The following RNF217 variants were observed in gnomAD, a reference collection of about 807,000 sequenced individuals.
RNF217 encodes the protein ring finger protein 217, also known as E3 ubiquitin-protein ligase RNF217.
RNF217 carries 31 observed loss-of-function variants against 57.8 expected under a neutral mutation model. The observed-to-expected ratio is 0.54, with a 90% CI of 0.40 to 0.72. RNF217 has a LOEUF of 0.72. Ranked by LOEUF, RNF217 falls within the 30% of genes least tolerant of loss-of-function variation. RNF217 has a pLI of 0.00. For missense variants in RNF217, 696 were observed against 708.3 expected (o/e 0.98, Z 0.20); for synonymous variants, 313 against 294.0 (o/e 1.06, Z -0.66).
intron 3 of RNF217, among the ~76,000 whole-genome samples, chr6:125,065,151 C>T (rs946379724): frequency 2.0e-5 from 3 of 151,542 alleles, no homozygotes. Context: ...ATTAGCTGGA[C>T]GTAGTGGCAG....
At position 124,963,144 on chromosome 6, in the gene RNF217, C is replaced by T; in HGVS notation, c.600C>T (p.Thr200=). ...CGCCAGTGTTGAACCCTCCCAGCAC[C>T]CGCTCTTCCTTCCCCAGCCCCCGAC... is the stretch of plus-strand genomic sequence containing the variant. ...GAPPVLNPPS[T]RSSFPSPRLS... The change falls in exon 1 of 6, where the codon ACC becomes ACT. Residue 200 remains threonine (T), a synonymous_variant. Transcript: ENST00000521654. 1.3e-6 allele frequency: 2 copies of T among 1,534,278 alleles called. No individual in the cohort carries two copies. The highest frequency in any genetic ancestry group is 2.4e-5 in the South Asian group (2 of 83,760).
intron 3 of RNF217, among the ~76,000 whole-genome samples, chr6:125,062,477 A>G (rs768286168): frequency 2.0e-5 from 3 of 152,182 alleles, no homozygotes; most frequent in Non-Finnish European, 4.4e-5. Context: ...ATCTAGAATT[A>G]ATTTATAGAA....
At chr6:125,061,780 A>G (rs1331980821) in intron 3 of RNF217, among the ~76,000 whole-genome samples, 2 of 151,942 alleles carry the variant, frequency 1.3e-5, no homozygotes, top group African/African-American at 4.8e-5. Context: ...ATCTTTGTAT[A>G]TCTTTTGTAA....
At chr6:124,996,313 T>C (rs1784750814) in intron 1 of RNF217, among the ~76,000 whole-genome samples, 1 of 152,146 alleles carries the variant, frequency 6.6e-6, no homozygotes, top group Admixed American at 6.5e-5. Flanking sequence ...TTTGAAGATT[T>C]TTTTAATTTT....
chr6:125,027,951 A>G (rs1582725986), intron 1 of RNF217, among the ~76,000 whole-genome samples: 1 of 151,866 alleles, frequency 6.6e-6, no homozygotes, highest in African/African-American at 2.4e-5. Context: ...TATTCAAATC[A>G]TTGCCCATTT....
chr6:125,023,832 A>G (rs892321019), intron 1 of RNF217, among the ~76,000 whole-genome samples: 4 of 152,162 alleles, frequency 2.6e-5, no homozygotes, highest in Admixed American at 2.0e-4. Flanking sequence ...CAGAAAGACA[A>G]ATGCCACATG....
intron 1 of RNF217, among the ~76,000 whole-genome samples, chr6:125,004,014 T>C (rs1256506255): frequency 6.6e-6 from 1 of 151,958 alleles, no homozygotes; most frequent in Non-Finnish European, 1.5e-5. Flanking sequence ...CTAAAACACT[T>C]TTTGGATTAG....
rs1783380093 is a variant in RNF217, at chr6:124,963,292, G to C, written c.748G>C (p.Gly250Arg). Residue 250 changes from glycine (G) to arginine (R), a missense_variant, in exon 1 of 6, where the codon GGT (glycine) becomes CGT (arginine). Gly to Arg is a moderately radical substitution (Grantham distance 125). This residue lies in a region of RNF217 where 465 missense variants were observed against 386.8 expected (regional missense o/e 1.20). Coordinates refer to ENST00000521654, the MANE Select transcript of RNF217 (RefSeq NM_001286398.3). Reference sequence around the variant, plus strand: ...AGCTCCACCCTACTCTGGCCTGGGCGGTGTAGGGGATCCCTATGTGCCCCT... The same window carrying C: ...AGCTCCACCCTACTCTGGCCTGGGCCGTGTAGGGGATCCCTATGTGCCCCT... Reference protein sequence around the residue: ...LGAPPYSGLGGVGDPYVPLMV... With the variant: ...LGAPPYSGLGRVGDPYVPLMV... 1 of 1,535,862 alleles carries C rather than the reference G, an allele frequency of 6.5e-7. No homozygotes were observed. Among genetic ancestry groups the C allele is most frequent in the Non-Finnish European group, 8.7e-7 (1 of 1,146,788 alleles).
rs571675922 is a variant in RNF217 at position 125,012,344 on chromosome 6, G to C, written c.883-32867G>C. Among the ~76,000 whole-genome samples, 6 of 152,230 alleles carry C rather than the reference G, an allele frequency of 3.9e-5. No individual in the cohort carries two copies. The East Asian group carries it at 1.2e-3, about 29-fold the overall frequency. On this transcript the variant is annotated intron_variant, in intron 1 of 5. Transcript: ENST00000521654. ...TAGTTTTTGCAAATTAACATTTACTGATGAATTTGAGATATGTACAATGGA... is the reference window on the plus strand; with the variant it reads ...TAGTTTTTGCAAATTAACATTTACTCATGAATTTGAGATATGTACAATGGA...
At chr6:124,999,037 G>A (rs908706636) in intron 1 of RNF217, among the ~76,000 whole-genome samples, 2 of 152,136 alleles carry the variant, frequency 1.3e-5, no homozygotes, top group Non-Finnish European at 2.9e-5. Flanking sequence ...TATAGAGCTT[G>A]CAGTTGATTT....
intron 2 of RNF217, among the ~76,000 whole-genome samples, chr6:125,055,089 C>T (rs537047363): frequency 1.2e-4 from 19 of 152,258 alleles, no homozygotes; most frequent in African/African-American, 2.2e-4. Context: ...ATGAATGAGG[C>T]ATCTTCAGAA....
intron 1 of RNF217, among the ~76,000 whole-genome samples, chr6:124,982,303 G>A (rs1784206468): frequency 6.6e-6 from 1 of 152,042 alleles, no homozygotes; most frequent in African/African-American, 2.4e-5. Flanking sequence ...TTTGCAAGAA[G>A]TTTCTCTGTA....
chr6:125,024,934 T>G (rs1462876562), intron 1 of RNF217, among the ~76,000 whole-genome samples: 2 of 151,290 alleles, frequency 1.3e-5, no homozygotes, highest in Non-Finnish European at 2.9e-5. Context: ...ACCATGGGAG[T>G]GGAAGAGTAA....
chr6:125,085,894 C>A lies in RNF217; in HGVS notation c.*2957C>A, dbSNP rs1788756808. 1 of 151,790 alleles carries A rather than the reference C, an allele frequency of 6.6e-6. No homozygotes were observed. The highest frequency in any genetic ancestry group is 1.5e-5 in the Non-Finnish European group (1 of 67,824). The allele number at this position is 151,790 out of a possible 1,614,324, so 9.4% of individuals were successfully genotyped here. A position where few individuals can be genotyped will look rare whatever the true frequency, so the allele number is the denominator to read the frequency against. On this transcript the variant is annotated 3_prime_UTR_variant, in exon 6 of 6. Transcript: ENST00000521654. ...TCATTTTATTATATATTAATAGATACCTTTCCATAAGCGTTTAAATAGATT... is the reference window on the plus strand; with the variant it reads ...TCATTTTATTATATATTAATAGATAACTTTCCATAAGCGTTTAAATAGATT...
At chr6:125,030,052 A>C (rs140137243) in intron 1 of RNF217, among the ~76,000 whole-genome samples, 188 of 152,298 alleles carry the variant, frequency 1.2e-3, no homozygotes, top group African/African-American at 4.1e-3. Flanking sequence ...CATTTCTTAC[A>C]TGGCAGCAGC....
At chr6:125,025,775 G>T (rs192969767) in intron 1 of RNF217, among the ~76,000 whole-genome samples, 15 of 141,992 alleles carry the variant, frequency 1.1e-4, no homozygotes, top group African/African-American at 4.0e-4. Context: ...GAGGGAGGGA[G>T]GGAAGGAAGG....
chr6:124,978,971 A>T (rs756066638), intron 1 of RNF217, among the ~76,000 whole-genome samples: 1 of 152,164 alleles, frequency 6.6e-6, no homozygotes, highest in Non-Finnish European at 1.5e-5. Flanking sequence ...ATGCAAGCTG[A>T]TTGGTCCATG....
At chr6:125,057,870 C>A in intron 2 of RNF217, 72 bp from the exon 3 acceptor site, 1 of 1,317,102 alleles carries the variant, frequency 7.6e-7, no homozygotes. Context: ...TTTCCCCAAG[C>A]ATCACCTTCT....
chr6:124,976,552 GC>G (rs1179089272), intron 1 of RNF217, among the ~76,000 whole-genome samples: 1 of 151,764 alleles, frequency 6.6e-6, no homozygotes, highest in Non-Finnish European at 1.5e-5. Context: ...ATAGGTGTGA[GC>G]CACCACGCTT....
Sources: gnomAD v4.1 joint callset for allele counts (sites outside exome capture counted in the v4.1 genomes callset) on GRCh38, gnomAD v4.1.1 for gene constraint, gnomAD v4.1.1 regional missense constraint, MANE v1.5 for transcripts, NCBI Gene and HGNC (gene_info 2026-07-23, HGNC 2026-07-21) for gene names.